The following PARD3 variants were observed in gnomAD, a reference collection of about 807,000 sequenced individuals.
PARD3 encodes the protein partitioning defective 3 homolog.
In PARD3, 75 loss-of-function variants were observed where a neutral mutation model predicts 155.4. The ratio of observed to expected loss-of-function variants is 0.48; its 90% CI spans 0.40 to 0.58. The LOEUF (loss-of-function observed/expected upper bound fraction) is 0.58. Ranked by LOEUF, PARD3 falls within the 20% of genes least tolerant of loss-of-function variation. The pLI, the probability that PARD3 is intolerant of heterozygous loss-of-function variation, is 0.00. For synonymous variants in PARD3, 576 were observed against 610.5 expected, an observed-to-expected ratio of 0.94 and a Z score of 0.83; for missense variants, 1,642 against 1,721.7, an observed-to-expected ratio of 0.95 and a Z score of 0.82.
At chr10:34,249,983 A>C (rs1168614488) in intron 22 of PARD3, among the ~76,000 whole-genome samples, 1 of 152,226 alleles carries the variant, frequency 6.6e-6, no homozygotes, top group Non-Finnish European at 1.5e-5. Context: ...CATGCCACAC[A>C]CGAGATGCTT....
At chr10:34,719,052 A>G (rs1434825986) in intron 1 of PARD3, among the ~76,000 whole-genome samples, 1 of 152,208 alleles carries the variant, frequency 6.6e-6, no homozygotes, top group African/African-American at 2.4e-5. Context: ...CTCCATCACA[A>G]CTTGTGGTGT....
chr10:34,462,042 T>C (rs1050058186), intron 4 of PARD3, among the ~76,000 whole-genome samples: 3 of 152,240 alleles, frequency 2.0e-5, no homozygotes, highest in Non-Finnish European at 4.4e-5. Flanking sequence ...ATTATAACCA[T>C]ACTGACTGAA....
chr10:34,636,008 T>C (rs1226553286), intron 2 of PARD3, among the ~76,000 whole-genome samples: 1 of 148,716 alleles, frequency 6.7e-6, no homozygotes, highest in Non-Finnish European at 1.5e-5. Context: ...CTTAAGTAAC[T>C]TTTCTTCTAT....
intron 3 of PARD3, 136 bp downstream of exon 3, chr10:34,516,843 A>G: frequency 1.3e-6 from 1 of 772,960 alleles, no homozygotes; most frequent in Non-Finnish European, 2.0e-6. Flanking sequence ...TGCAAAGAAC[A>G]TTTGCCTGGG....
intron 1 of PARD3, among the ~76,000 whole-genome samples, chr10:34,804,203 T>A (rs930090644): frequency 2.6e-5 from 4 of 152,026 alleles, no homozygotes; most frequent in Non-Finnish European, 5.9e-5. Flanking sequence ...TCAGCTAAAT[T>A]TTTTTGTATT....
chr10:34,535,716 T>A (rs1167503497), intron 2 of PARD3, among the ~76,000 whole-genome samples: 3 of 152,016 alleles, frequency 2.0e-5, no homozygotes, highest in African/African-American at 7.2e-5. Context: ...CATCAGGTGG[T>A]CCACCAGCCT....
intron 3 of PARD3, among the ~76,000 whole-genome samples, chr10:34,472,484 GA>G (rs2078416228): frequency 6.6e-6 from 1 of 152,038 alleles, no homozygotes; most frequent in Non-Finnish European, 1.5e-5. Flanking sequence ...AAACTGTAAG[GA>G]AAAAAGCAAC....
intron 5 of PARD3, among the ~76,000 whole-genome samples, chr10:34,446,529 G>T (rs758211729): frequency 7.9e-5 from 12 of 152,066 alleles, no homozygotes; most frequent in Non-Finnish European, 1.5e-4. Flanking sequence ...TAAACAGCTA[G>T]TAACCAGTCA....
intron 22 of PARD3, among the ~76,000 whole-genome samples, chr10:34,163,255 G>A (rs1443674774): frequency 6.6e-6 from 1 of 152,072 alleles, no homozygotes; most frequent in Non-Finnish European, 1.5e-5. Flanking sequence ...ACAGCCGGTG[G>A]GGGGGAGGAC....
At chr10:34,806,889 C>T (rs1469811640) in intron 1 of PARD3, among the ~76,000 whole-genome samples, 2 of 152,186 alleles carry the variant, frequency 1.3e-5, no homozygotes, top group Non-Finnish European at 2.9e-5. Flanking sequence ...GAGTCCAGCC[C>T]AGCACCTCTG....
intron 5 of PARD3, among the ~76,000 whole-genome samples, chr10:34,416,828 G>T (rs1845722707): frequency 6.6e-6 from 1 of 152,132 alleles, no homozygotes; most frequent in Non-Finnish European, 1.5e-5. Context: ...AACTGTAATG[G>T]CCAGATTGAA....
At chr10:34,543,521 G>A (rs1405105792) in intron 2 of PARD3, among the ~76,000 whole-genome samples, 1 of 152,162 alleles carries the variant, frequency 6.6e-6, no homozygotes, top group Non-Finnish European at 1.5e-5. Context: ...CCTGTTCCCA[G>A]GCAAGGCCAA....
chr10:34,333,686 C>A (rs762703182), intron 18 of PARD3, among the ~76,000 whole-genome samples: 7 of 152,026 alleles, frequency 4.6e-5, no homozygotes, highest in Non-Finnish European at 7.4e-5. Flanking sequence ...CACAGCCATG[C>A]CCATGTATTT....
chr10:34,328,564 G>C (rs1045368896), intron 19 of PARD3, among the ~76,000 whole-genome samples: 1 of 152,138 alleles, frequency 6.6e-6, no homozygotes. Context: ...GTGGTGGTGG[G>C]GGGAAGGTGA....
At chr10:34,263,214 G>C (rs1251341450) in intron 22 of PARD3, among the ~76,000 whole-genome samples, 2 of 152,224 alleles carry the variant, frequency 1.3e-5, no homozygotes, top group Non-Finnish European at 2.9e-5. Context: ...CAAACAAATA[G>C]TGCTTACTAC....
At chr10:34,637,172 A>G (rs1785672636) in intron 2 of PARD3, among the ~76,000 whole-genome samples, 1 of 152,248 alleles carries the variant, frequency 6.6e-6, no homozygotes, top group Non-Finnish European at 1.5e-5. Flanking sequence ...CCAGGACTCC[A>G]TCAGGTGCTA....
At position 34,360,759 on chromosome 10, in the gene PARD3, T is replaced by TGG. The variant is rs537439077; in HGVS notation, c.1708-502_1708-501dup. ...TACAAAATCAGCAGAAAAAGGTATA[T>TGG]GGGTTCAGAGAGCCTCTAAAGAATT... On this transcript the variant is annotated intron_variant, in intron 12 of 24. Transcript: ENST00000374788. 2.7e-3 allele frequency among the ~76,000 whole-genome samples: 404 copies of TGG among 152,280 alleles called. 1 individual carries two copies. The highest frequency in any genetic ancestry group is 4.9e-3 in the Non-Finnish European group (336 of 68,014).
At chr10:34,407,612 C>G (rs899612280) in intron 5 of PARD3, among the ~76,000 whole-genome samples, 3 of 152,142 alleles carry the variant, frequency 2.0e-5, no homozygotes, top group African/African-American at 7.2e-5. Flanking sequence ...CGACATACTA[C>G]CTTTATTAGG....
At chr10:34,805,229 C>T (rs1412660467) in intron 1 of PARD3, among the ~76,000 whole-genome samples, 2 of 151,954 alleles carry the variant, frequency 1.3e-5, no homozygotes, top group African/African-American at 2.4e-5. Context: ...TGGTGGCAGG[C>T]GCCTGTAATC....
Sources: gnomAD v4.1 joint callset for allele counts (sites outside exome capture counted in the v4.1 genomes callset) on GRCh38, gnomAD v4.1.1 for gene constraint, MANE v1.5 for transcripts, NCBI Gene and HGNC (gene_info 2026-07-23, HGNC 2026-07-21) for gene names.